SLCO1B3: variants seen among roughly 807,000 people sequenced by gnomAD.
SLCO1B3 encodes liver-specific organic anion transporter 2.
In SLCO1B3, 72 loss-of-function variants were observed where a neutral mutation model predicts 71.8. That is an observed-to-expected ratio of 1.00 (90% confidence interval 0.83 to 1.22). The LOEUF is 1.22. SLCO1B3 is among the 50% of genes most tolerant of loss of function. The probability of loss-of-function intolerance (pLI) is 0.00; values close to 1 mark genes in which losing one functional copy is unlikely to be tolerated. For synonymous variants in SLCO1B3, 298 were observed against 278.4 expected, an observed-to-expected ratio of 1.07 and a Z score of -0.70; for missense variants, 911 against 819.7, an observed-to-expected ratio of 1.11 and a Z score of -1.36.
At position 20,877,910 on chromosome 12, in the gene SLCO1B3, C is replaced by G; in HGVS notation, c.1109C>G (p.Ser370Cys). ...TATATGGAGCAACAGTACGGTCAGT[C>G]TGCATCTCATGCTAACTTTTTGTTG... ...FKYMEQQYGQSASHANFLLGI... is the reference protein window; with the variant it reads ...FKYMEQQYGQCASHANFLLGI... Residue 370 changes from serine (S) to cysteine (C), a missense_variant, in exon 10 of 16, where the codon TCT (serine) becomes TGT (cysteine). Transcript: ENST00000381545. 6.3e-7 allele frequency: 1 copy of G among 1,590,178 alleles called. No homozygotes were observed. The highest frequency in any genetic ancestry group is 8.5e-7 in the Non-Finnish European group (1 of 1,171,128).
At chr12:20,815,865 A>C (rs955013836) in intron 3 of SLCO1B3, 43 bp downstream of exon 3, 2 of 1,332,246 alleles carry the variant, frequency 1.5e-6, no homozygotes, top group Admixed American at 2.2e-5. Flanking sequence ...AAGTTAATGG[A>C]AAATTTTTAT....
At chr12:20,866,132 A>G (rs925005935) in intron 8 of SLCO1B3, among the ~76,000 whole-genome samples, 1 of 152,100 alleles carries the variant, frequency 6.6e-6, no homozygotes, top group African/African-American at 2.4e-5. Flanking sequence ...GAGCCGTATG[A>G]AGTACCACTA....
intron 4 of SLCO1B3, among the ~76,000 whole-genome samples, chr12:20,857,186 G>A (rs1378808971): frequency 6.6e-6 from 1 of 151,914 alleles, no homozygotes; most frequent in Non-Finnish European, 1.5e-5. Flanking sequence ...GCACTGATAT[G>A]CATCTCTTTT....
At chr12:20,830,607 C>T (rs777884954) in intron 3 of SLCO1B3, among the ~76,000 whole-genome samples, 1 of 152,150 alleles carries the variant, frequency 6.6e-6, no homozygotes, top group African/African-American at 2.4e-5. Flanking sequence ...GAAAAAGCCG[C>T]TTTTGGTGAC....
At chr12:20,831,042 T>G (rs1323245410) in intron 3 of SLCO1B3, among the ~76,000 whole-genome samples, 1 of 150,762 alleles carries the variant, frequency 6.6e-6, no homozygotes, top group African/African-American at 2.5e-5. Flanking sequence ...GCAGTGTATG[T>G]AAGGCACATT....
chr12:20,877,987 A>T (rs1865617223), intron 10 of SLCO1B3, 51 bp downstream of exon 10: 1 of 1,194,842 alleles, frequency 8.4e-7, no homozygotes. Context: ...ACTGCTGAGT[A>T]CTTGTGTTCC....
intron 8 of SLCO1B3, among the ~76,000 whole-genome samples, chr12:20,864,701 A>G (rs1367247874): frequency 6.6e-6 from 1 of 152,162 alleles, no homozygotes; most frequent in African/African-American, 2.4e-5. Flanking sequence ...TAAGCACACC[A>G]TTTTAGAATT....
rs1287414086 is a variant in SLCO1B3 at position 20,901,413 on chromosome 12, C to T, written c.1811C>T (p.Thr604Ile). Residue 604 changes from threonine (T) to isoleucine (I), a missense_variant, in exon 15 of 16, where the codon ACC becomes ATC. Physicochemically the swap from Thr to Ile is moderately conservative, Grantham distance 89 (BLOSUM62 -1). Coordinates refer to ENST00000381545, the MANE Select transcript of SLCO1B3 (RefSeq NM_019844.4). ...GATAAAACATGTATGAAGTGGTCCA[C>T]CAACAGCTGTGGAGCACAAGGGGCT... ...LIDKTCMKWS[T>I]NSCGAQGACR... 1.3e-6 allele frequency: 2 copies of T among 1,585,494 alleles called. No individual in the cohort carries two copies. Among genetic ancestry groups the T allele is most frequent in the Non-Finnish European group, 1.7e-6 (2 of 1,170,850 alleles).
chr12:20,857,254 T>C (rs1470316697), intron 4 of SLCO1B3, among the ~76,000 whole-genome samples: 1 of 152,114 alleles, frequency 6.6e-6, no homozygotes, highest in African/African-American at 2.4e-5. Context: ...TCTTTCTACG[T>C]TATTTCTGCT....
chr12:20,880,966 C>A lies in SLCO1B3; in HGVS notation c.1443C>A (p.Tyr481Ter). The A allele has an allele frequency of 6.2e-7, 1 of 1,612,436 alleles. No homozygotes were observed. The highest frequency in any genetic ancestry group is 1.1e-5 in the South Asian group (1 of 91,002). The change falls in exon 12 of 16, where the codon TAC becomes TAA. Residue 481 changes from tyrosine to a stop codon, truncating the protein, a stop_gained. Transcript: ENST00000381545. LOFTEE classifies it high-confidence loss of function. The part of the protein sequence containing the change: ...EPVCGNNGIT[Y>*]LSPCLAGCKS... ...TCTGTGGGAACAATGGAATAACTTA[C>A]CTGTCACCTTGTCTAGCAGGATGCA... is the stretch of plus-strand genomic sequence containing the variant.
chr12:20,910,786 C>T (rs541042220), intron 15 of SLCO1B3, among the ~76,000 whole-genome samples: 1 of 152,208 alleles, frequency 6.6e-6, no homozygotes, highest in East Asian at 1.9e-4. Flanking sequence ...GAAAACTTTT[C>T]ACTTTGGCAT....
intron 4 of SLCO1B3, among the ~76,000 whole-genome samples, chr12:20,856,918 G>A (rs1019052471): frequency 5.9e-5 from 9 of 152,208 alleles, no homozygotes; most frequent in African/African-American, 2.2e-4. Flanking sequence ...TGTCTACAGA[G>A]CATCTTAGAA....
At chr12:20,826,044 C>T (rs1232892510) in intron 3 of SLCO1B3, among the ~76,000 whole-genome samples, 1 of 151,924 alleles carries the variant, frequency 6.6e-6, no homozygotes, top group Admixed American at 6.6e-5. Flanking sequence ...TTGCTTTTTC[C>T]TATGAGGAGT....
chr12:20,871,763 G>T (rs1865478768), intron 8 of SLCO1B3, among the ~76,000 whole-genome samples: 1 of 152,034 alleles, frequency 6.6e-6, no homozygotes, highest in African/African-American at 2.4e-5. Context: ...CAGAAACTGG[G>T]GGTTCACTGA....
chr12:20,896,816 A>T (rs2417888), intron 13 of SLCO1B3, among the ~76,000 whole-genome samples: 16,024 of 152,222 alleles, frequency 0.11, 1,127 homozygotes, highest in Middle Eastern at 0.22. Context: ...AGACTGGGCG[A>T]TTTACAAAAG....
intron 8 of SLCO1B3, among the ~76,000 whole-genome samples, chr12:20,863,574 A>G (rs1329053326): frequency 6.6e-6 from 1 of 152,048 alleles, no homozygotes; most frequent in East Asian, 1.9e-4. Context: ...TCTTTAGCTA[A>G]TATTAGTAGA....
chr12:20,830,263 A>G (rs1157223945), intron 3 of SLCO1B3, among the ~76,000 whole-genome samples: 1 of 152,204 alleles, frequency 6.6e-6, no homozygotes, highest in African/African-American at 2.4e-5. Context: ...ATCAAAAGGT[A>G]TGAGAGATAG....
At chr12:20,880,200 T>C (rs1009151055) in intron 11 of SLCO1B3, among the ~76,000 whole-genome samples, 2 of 151,386 alleles carry the variant, frequency 1.3e-5, no homozygotes, top group Admixed American at 6.6e-5. Flanking sequence ...TTATATCTTA[T>C]GATTTATAAT....
At chr12:20,878,640 A>G (rs1865630048) in intron 10 of SLCO1B3, among the ~76,000 whole-genome samples, 1 of 152,176 alleles carries the variant, frequency 6.6e-6, no homozygotes, top group African/African-American at 2.4e-5. Context: ...AATGTACTGA[A>G]GCATTGGAAC....
Sources: allele counts gnomAD v4.1 joint callset (sites outside exome capture counted in the v4.1 genomes callset), GRCh38; gene constraint gnomAD v4.1.1; transcripts MANE v1.5; gene names NCBI Gene and HGNC (gene_info 2026-07-23, HGNC 2026-07-21).